Variants in SNX29 observed in about 807,000 individuals in gnomAD.
The protein encoded by SNX29 is sorting nexin 29.
Under a neutral mutation model 102.1 loss-of-function variants are expected in SNX29, and 78 were observed. The observed-to-expected ratio is 0.76, with a 90% CI of 0.64 to 0.92. The LOEUF is 0.92. SNX29 is among the 40% of genes least tolerant of loss of function. The pLI, the probability that SNX29 is intolerant of heterozygous loss-of-function variation, is 0.00. For missense variants in SNX29, 1,280 were observed against 1,061.7 expected, an observed-to-expected ratio of 1.21 and a Z score of -2.86; for synonymous variants, 580 against 414.5, an observed-to-expected ratio of 1.40 and a Z score of -4.85.
chr16:12,314,338 G>A (rs1334749717), intron 15 of SNX29, among the ~76,000 whole-genome samples: 1 of 152,230 alleles, frequency 6.6e-6, no homozygotes. Context: ...ATGGTCTGCA[G>A]ATGTAACATA....
chr16:11,979,426 A>G (rs2055369048), intron 1 of SNX29, among the ~76,000 whole-genome samples: 1 of 152,190 alleles, frequency 6.6e-6, no homozygotes, highest in Non-Finnish European at 1.5e-5. Flanking sequence ...GTGAAAATGG[A>G]AGGGGAAGTC....
chr16:12,200,149 C>T (rs867281613), intron 14 of SNX29, among the ~76,000 whole-genome samples: 3 of 152,138 alleles, frequency 2.0e-5, no homozygotes, highest in Admixed American at 2.0e-4. Flanking sequence ...GGTTGGTTGA[C>T]AGCACCTACC....
intron 13 of SNX29, among the ~76,000 whole-genome samples, chr16:12,150,001 C>G (rs1157710696): frequency 1.3e-5 from 2 of 152,098 alleles, no homozygotes; most frequent in Admixed American, 1.3e-4. Flanking sequence ...TTCTGGAGTC[C>G]AGAGTACGTT....
chr16:12,221,547 G>A lies in SNX29; in HGVS notation c.1678+21864G>A, dbSNP rs554963890. Among the ~76,000 whole-genome samples, 3 of 152,306 alleles carry A rather than the reference G, an allele frequency of 2.0e-5. No homozygotes were observed. In the South Asian group the frequency reaches 6.2e-4, roughly 32 times the overall value. On this transcript the variant is annotated intron_variant, in intron 14 of 20. Transcript: ENST00000566228. ...GAGAATCACTTGAACCCGGGAGGTG[G>A]AGGTTGCAGTAAGCCAAGATGGCGC... is the stretch of plus-strand genomic sequence containing the variant.
chr16:12,131,611 GT>G (rs1232884050), intron 13 of SNX29, among the ~76,000 whole-genome samples: 2 of 152,160 alleles, frequency 1.3e-5, no homozygotes, highest in African/African-American at 4.8e-5. Context: ...TAGCATTCAG[GT>G]TGTTTCCAGT....
intron 19 of SNX29, among the ~76,000 whole-genome samples, chr16:12,480,188 CA>C (rs1037379318): frequency 4.6e-5 from 7 of 152,162 alleles, no homozygotes; most frequent in Non-Finnish European, 1.0e-4. Flanking sequence ...GGGACTAAAA[CA>C]AATTCATTAT....
chr16:12,452,903 T>C (rs980122399), intron 18 of SNX29, among the ~76,000 whole-genome samples: 3 of 152,146 alleles, frequency 2.0e-5, no homozygotes, highest in Non-Finnish European at 2.9e-5. Flanking sequence ...GTCATTTCTT[T>C]TGTTATTTCT....
intron 20 of SNX29, among the ~76,000 whole-genome samples, chr16:12,552,850 G>T (rs962092080): frequency 2.0e-5 from 3 of 152,222 alleles, no homozygotes. Context: ...AGAGGAGAGG[G>T]TGTGGCAGAT....
intron 13 of SNX29, among the ~76,000 whole-genome samples, chr16:12,177,348 A>C (rs2076283105): frequency 6.6e-6 from 1 of 152,098 alleles, no homozygotes; most frequent in Admixed American, 6.6e-5. Context: ...TAGTAGGAGG[A>C]GAGTGGAATT....
chr16:12,242,367 A>G (rs912599807), intron 14 of SNX29, among the ~76,000 whole-genome samples: 2 of 141,602 alleles, frequency 1.4e-5, no homozygotes, highest in Non-Finnish European at 3.0e-5. Flanking sequence ...ATATATATAT[A>G]TTTTTTTTTT....
intron 13 of SNX29, among the ~76,000 whole-genome samples, chr16:12,176,723 C>T (rs1029081046): frequency 7.2e-5 from 11 of 152,144 alleles, no homozygotes; most frequent in South Asian, 2.1e-4. Context: ...GAGCCAATAC[C>T]CCATGGATAC....
intron 20 of SNX29, chr16:12,526,760 C>T: frequency 4.6e-6 from 2 of 432,938 alleles, no homozygotes; most frequent in South Asian, 2.1e-5. Flanking sequence ...GGCGCTGCCC[C>T]ATCCGCAAGT....
At chr16:12,403,427 C>G (rs774574387) in intron 17 of SNX29, 21 bp from the exon 18 acceptor site, 3 of 1,589,854 alleles carry the variant, frequency 1.9e-6, no homozygotes, top group East Asian at 4.5e-5. Context: ...ATGTTGGTCT[C>G]TCTCTCTTCC....
chr16:12,144,482 A>AC (rs1270360182), intron 13 of SNX29, among the ~76,000 whole-genome samples: 1 of 151,900 alleles, frequency 6.6e-6, no homozygotes, highest in Non-Finnish European at 1.5e-5. Flanking sequence ...TGAGCGCTCC[A>AC]CCCCCCATGG....
At chr16:12,157,019 C>T (rs1407009824) in intron 13 of SNX29, among the ~76,000 whole-genome samples, 1 of 152,142 alleles carries the variant, frequency 6.6e-6, no homozygotes, top group Non-Finnish European at 1.5e-5. Flanking sequence ...TCTCTGGGAG[C>T]TGATCCTAGG....
rs184085939 is a variant in SNX29, at chr16:12,059,176, T to C, written c.1125-2352T>C. ...GGCTTCACCTTGTACTTGCATATGT[T>C]GCGGGGAAGGGTCAAGAATTATCTT... is the stretch of plus-strand genomic sequence containing the variant. On this transcript the variant is annotated intron_variant, in intron 8 of 20. Transcript: ENST00000566228. Among the ~76,000 whole-genome samples, 1,245 of 152,256 alleles carry C rather than the reference T, an allele frequency of 8.2e-3. 5 individuals are homozygous for C. Among genetic ancestry groups the C allele is most frequent in the Non-Finnish European group, 0.012 (819 of 68,008 alleles).
chr16:12,056,979 G>A (rs1389638055), intron 8 of SNX29, among the ~76,000 whole-genome samples: 2 of 151,914 alleles, frequency 1.3e-5, no homozygotes, highest in South Asian at 2.1e-4. Context: ...ATGCCACCAC[G>A]CCCAGCTAAT....
intron 20 of SNX29, among the ~76,000 whole-genome samples, chr16:12,563,674 C>A (rs1014147115): frequency 2.6e-5 from 4 of 152,280 alleles, no homozygotes; most frequent in African/African-American, 9.6e-5. Context: ...CCCCGAGAGC[C>A]CATGATGGGG....
rs375061825 is a variant in SNX29, at chr16:12,462,016, T to TACACACACAC, written c.2038-15684_2038-15675dup. ...ATATATATATATATATATATATGTA[T>TACACACACAC]ACACACACACACACACACACACACA... On this transcript the variant is annotated intron_variant, in intron 18 of 20. Transcript: ENST00000566228. Among the ~76,000 whole-genome samples, 582 of 64,914 alleles carry TACACACACAC rather than the reference T, an allele frequency of 9.0e-3. 9 individuals are homozygous for TACACACACAC. Among genetic ancestry groups the TACACACACAC allele is most frequent in the African/African-American group, 0.032 (321 of 9,910 alleles). The allele number at this position is 64,914 out of a possible 152,430, so 42.6% of individuals were successfully genotyped here.
Sources: allele counts gnomAD v4.1 joint callset (sites outside exome capture counted in the v4.1 genomes callset), GRCh38; gene constraint gnomAD v4.1.1; transcripts MANE v1.5; gene names NCBI Gene and HGNC (gene_info 2026-07-23, HGNC 2026-07-21).